MYO5B: variants seen among roughly 807,000 people sequenced by gnomAD.
The protein encoded by MYO5B is myosin VB, also known as unconventional myosin-Vb.
Under a neutral mutation model 229.3 loss-of-function variants are expected in MYO5B, and 143 were observed. The ratio of observed to expected loss-of-function variants is 0.62; its 90% CI spans 0.54 to 0.72. MYO5B has a LOEUF of 0.72. Among genes scored for constraint, MYO5B ranks in the 30% least tolerant of loss-of-function variants. The probability of loss-of-function intolerance (pLI) is 0.00; values close to 1 mark genes in which losing one functional copy is unlikely to be tolerated. For synonymous variants in MYO5B, 918 were observed against 885.2 expected (o/e 1.04, Z -0.66); for missense variants, 2,321 against 2,331.0 (o/e 1.00, Z 0.09).
intron 31 of MYO5B, 89 bp from the exon 32 acceptor site, chr18:49,849,749 G>T: frequency 1.0e-6 from 1 of 997,762 alleles, no homozygotes; most frequent in Non-Finnish European, 1.6e-6. Flanking sequence ...GAGGTGACCA[G>T]TGCGGCCCAT....
intron 27 of MYO5B, among the ~76,000 whole-genome samples, chr18:49,869,058 T>A (rs2144088957): frequency 6.6e-6 from 1 of 152,280 alleles, no homozygotes; most frequent in Non-Finnish European, 1.5e-5. Context: ...TGGCTAAGGA[T>A]CAGGTTGCAA....
intron 1 of MYO5B, among the ~76,000 whole-genome samples, chr18:50,088,895 T>C (rs1297672716): frequency 1.3e-5 from 2 of 152,214 alleles, no homozygotes; most frequent in Non-Finnish European, 2.9e-5. Flanking sequence ...ACAGAAGGCA[T>C]ATGTTAGTGC....
At chr18:49,995,368 C>T (rs978244506) in intron 5 of MYO5B, among the ~76,000 whole-genome samples, 27 of 151,230 alleles carry the variant, frequency 1.8e-4, no homozygotes, top group African/African-American at 6.6e-4. Flanking sequence ...CATTCTCCTG[C>T]CTCAGCCTCC....
At chr18:49,892,187 A>G (rs2024723199) in intron 22 of MYO5B, among the ~76,000 whole-genome samples, 1 of 152,210 alleles carries the variant, frequency 6.6e-6, no homozygotes, top group Admixed American at 6.5e-5. Context: ...AAAGAACGAA[A>G]TGTACACAAT....
intron 18 of MYO5B, among the ~76,000 whole-genome samples, chr18:49,911,250 C>A (rs61054181): frequency 1.3e-5 from 2 of 152,308 alleles, no homozygotes; most frequent in East Asian, 3.9e-4. Flanking sequence ...CCTGAGCCGG[C>A]AGCTTGCAGT....
intron 1 of MYO5B, among the ~76,000 whole-genome samples, chr18:50,130,577 A>C (rs952542987): frequency 3.9e-5 from 6 of 152,130 alleles, no homozygotes; most frequent in African/African-American, 1.4e-4. Context: ...TATCCACCCT[A>C]CCTGAACTGG....
At chr18:50,046,492 C>A (rs185134016) in intron 2 of MYO5B, among the ~76,000 whole-genome samples, 105 of 152,332 alleles carry the variant, frequency 6.9e-4, no homozygotes, top group African/African-American at 2.4e-3. Context: ...GTCATTCCAA[C>A]TTCATTGGCT....
At chr18:49,963,411 A>AATTT (rs1491136767) in intron 10 of MYO5B, among the ~76,000 whole-genome samples, 1 of 148,372 alleles carries the variant, frequency 6.7e-6, no homozygotes, top group Non-Finnish European at 1.5e-5. Context: ...TTAATTAATT[A>AATTT]ATTAATTTAT....
intron 10 of MYO5B, among the ~76,000 whole-genome samples, chr18:49,963,470 T>G (rs2025586781): frequency 6.6e-6 from 1 of 152,130 alleles, no homozygotes; most frequent in East Asian, 1.9e-4. Context: ...TCACCCAGGC[T>G]GGAGTGCAGA....
intron 6 of MYO5B, among the ~76,000 whole-genome samples, chr18:49,991,288 T>C (rs982035235): frequency 5.3e-5 from 8 of 152,164 alleles, no homozygotes; most frequent in African/African-American, 1.9e-4. Context: ...AGCATGGAGA[T>C]GTCACCAAGA....
chr18:50,037,204 TACACACACACAAAC>T (rs1253920783), intron 3 of MYO5B, among the ~76,000 whole-genome samples: 1 of 149,322 alleles, frequency 6.7e-6, no homozygotes, highest in Non-Finnish European at 1.5e-5. Flanking sequence ...CATACACACA[TACACACACACAAAC>T]ACACACACAC....
chr18:50,029,841 A>G (rs1021074656), intron 4 of MYO5B, among the ~76,000 whole-genome samples: 2 of 152,174 alleles, frequency 1.3e-5, no homozygotes, highest in African/African-American at 4.8e-5. Flanking sequence ...AGACCCTTGC[A>G]TACTCCTGCA....
intron 2 of MYO5B, among the ~76,000 whole-genome samples, chr18:50,044,199 A>G (rs2144398844): frequency 6.6e-6 from 1 of 152,320 alleles, no homozygotes. Flanking sequence ...TCAGCAGCCA[A>G]AGGTGCAGAT....
At chr18:50,089,982 T>C (rs1246233424) in intron 1 of MYO5B, among the ~76,000 whole-genome samples, 2 of 152,276 alleles carry the variant, frequency 1.3e-5, no homozygotes, top group East Asian at 1.9e-4. Flanking sequence ...CTGAGACCTA[T>C]GCAAATCAAA....
rs1046934346 is a variant in MYO5B at position 49,928,717 on chromosome 18, C to G, written c.2090+795G>C. Among the ~76,000 whole-genome samples, 11 of 152,166 alleles carry G rather than the reference C, an allele frequency of 7.2e-5. No individual in the cohort carries two copies. In the East Asian group the frequency reaches 2.1e-3, roughly 29 times the overall value. On this transcript the variant is annotated intron_variant, in intron 17 of 39. Transcript: ENST00000285039. ...AATTTGCAATTGCAAAAATATGGAA[C>G]CAGCCCACACGCCCAGTCAATGAGT...
chr18:49,976,571 A>C (rs2144286167), intron 9 of MYO5B, among the ~76,000 whole-genome samples: 1 of 152,362 alleles, frequency 6.6e-6, no homozygotes, highest in African/African-American at 2.4e-5. Flanking sequence ...ATTTGACCAA[A>C]GAATGCTTAT....
chr18:49,961,038 T>C (rs1400124911), intron 12 of MYO5B, among the ~76,000 whole-genome samples: 1 of 152,128 alleles, frequency 6.6e-6, no homozygotes, highest in African/African-American at 2.4e-5. Flanking sequence ...CTGATGGGAA[T>C]CTCAAAAGAG....
At chr18:50,097,264 G>C (rs1388576951) in intron 1 of MYO5B, 2 of 456,554 alleles carry the variant, frequency 4.4e-6, no homozygotes, top group African/African-American at 4.0e-5. Flanking sequence ...ACAGGCCAGT[G>C]CATGCTGGCT....
intron 24 of MYO5B, 67 bp downstream of exon 24, chr18:49,878,878 C>T: frequency 6.3e-7 from 1 of 1,575,934 alleles, no homozygotes; most frequent in Non-Finnish European, 8.7e-7. Flanking sequence ...TGCCTGAGAT[C>T]ACGTGGTCAG....
Sources: gnomAD v4.1 joint callset for allele counts (sites outside exome capture counted in the v4.1 genomes callset) on GRCh38, gnomAD v4.1.1 for gene constraint, MANE v1.5 for transcripts, NCBI Gene and HGNC (gene_info 2026-07-23, HGNC 2026-07-21) for gene names.